The following VPS13B variants were observed in gnomAD, a reference collection of about 807,000 sequenced individuals.
VPS13B encodes vacuolar protein sorting 13 homolog B, also known as intermembrane lipid transfer protein VPS13B.
VPS13B carries 285 observed loss-of-function variants against 426.4 expected under a neutral mutation model. The ratio of observed to expected loss-of-function variants is 0.67; its 90% CI spans 0.61 to 0.74. The LOEUF is 0.74. Among genes scored for constraint, VPS13B ranks in the 30% least tolerant of loss-of-function variants. VPS13B has a pLI of 0.00. For synonymous variants in VPS13B, 1,676 were observed against 1,676.4 expected (o/e 1.00, Z 0.01); for missense variants, 4,537 against 4,782.6 (o/e 0.95, Z 1.51).
At chr8:99,785,893 G>A (rs1473782605) in intron 43 of VPS13B, among the ~76,000 whole-genome samples, 2 of 152,150 alleles carry the variant, frequency 1.3e-5, no homozygotes, top group South Asian at 2.1e-4. Flanking sequence ...AAGCCTCTGA[G>A]AAGCTGCAGT....
intron 17 of VPS13B, among the ~76,000 whole-genome samples, chr8:99,265,436 T>C (rs1818246324): frequency 6.6e-6 from 1 of 152,192 alleles, no homozygotes; most frequent in Non-Finnish European, 1.5e-5. Flanking sequence ...GCCTGGTACT[T>C]AGTAAAGGAA....
chr8:99,024,116 C>A (rs531801219), intron 2 of VPS13B, among the ~76,000 whole-genome samples: 1 of 151,936 alleles, frequency 6.6e-6, no homozygotes, highest in Non-Finnish European at 1.5e-5. Context: ...TGATATGATA[C>A]CTTATTGTGG....
chr8:99,586,252 C>T (rs903528074), intron 33 of VPS13B, among the ~76,000 whole-genome samples: 1 of 152,154 alleles, frequency 6.6e-6, no homozygotes, highest in Admixed American at 6.6e-5. Flanking sequence ...TTCCTGATAA[C>T]TTCTTCTCTT....
rs34752686 is a variant in VPS13B, at chr8:99,474,183, A to ATTTTTTTTTTTTTTTTTT, written c.3666+6552_3666+6569dup. On this transcript the variant is annotated intron_variant, in intron 24 of 61. Coordinates refer to ENST00000357162, the MANE Select transcript of VPS13B (RefSeq NM_152564.5). ...TCTTCAAACAATGGACTGTTATCCA[A>ATTTTTTTTTTTTTTTTTT]TTTTTTTTTTTTTTTTTTTTGTGGA... 3.6e-3 allele frequency among the ~76,000 whole-genome samples: 448 copies of ATTTTTTTTTTTTTTTTTT among 124,910 alleles called. 27 individuals carry two copies. The highest frequency in any genetic ancestry group is 0.01 in the African/African-American group (319 of 30,718). The allele number at this position is 124,910 out of a possible 152,430, so 81.9% of individuals were successfully genotyped here.
chr8:99,270,128 A>ATTTTTTTTTTTTTTT, intron 17 of VPS13B, among the ~76,000 whole-genome samples: 1 of 22,024 alleles, frequency 4.5e-5, no homozygotes, highest in Non-Finnish European at 1.2e-4. Context: ...AAGATATAAG[A>ATTTTTTTTTTTTTTT]ATCTTTTTTT....
intron 44 of VPS13B, among the ~76,000 whole-genome samples, chr8:99,813,406 C>T (rs1813835706): frequency 6.6e-6 from 1 of 152,166 alleles, no homozygotes; most frequent in African/African-American, 2.4e-5. Context: ...GAAGCAAGAG[C>T]CATGTGCATA....
intron 17 of VPS13B, among the ~76,000 whole-genome samples, chr8:99,262,634 A>G (rs1198204175): frequency 1.3e-5 from 2 of 152,138 alleles, no homozygotes; most frequent in Admixed American, 6.5e-5. Flanking sequence ...GCTCTTGACT[A>G]TCTCTTTAAT....
intron 21 of VPS13B, among the ~76,000 whole-genome samples, chr8:99,418,272 C>T (rs931219666): frequency 1.3e-5 from 2 of 151,830 alleles, no homozygotes; most frequent in Non-Finnish European, 2.9e-5. Context: ...CCATCCCTCC[C>T]TCCTTTCTTC....
chr8:99,096,922 C>T (rs1846457337), intron 4 of VPS13B, among the ~76,000 whole-genome samples: 1 of 152,094 alleles, frequency 6.6e-6, no homozygotes, highest in Non-Finnish European at 1.5e-5. Flanking sequence ...GCCCAAGGTA[C>T]TTTTATCTTG....
chr8:99,149,790 G>C (rs967296459), intron 14 of VPS13B, among the ~76,000 whole-genome samples: 5 of 152,132 alleles, frequency 3.3e-5, no homozygotes, highest in African/African-American at 1.2e-4. Flanking sequence ...TCCGCCTCCT[G>C]TGAGATCAGC....
intron 3 of VPS13B, among the ~76,000 whole-genome samples, chr8:99,061,277 A>T: frequency 7.2e-6 from 1 of 139,204 alleles, no homozygotes; most frequent in Admixed American, 7.0e-5. Context: ...TGTTTTGATG[A>T]TTAGATGCTG....
At chr8:99,749,830 G>A (rs374754106) in intron 39 of VPS13B, among the ~76,000 whole-genome samples, 13 of 152,044 alleles carry the variant, frequency 8.6e-5, no homozygotes, top group East Asian at 3.9e-4. Flanking sequence ...GTTCTCCATA[G>A]TAGTTGTACT....
At chr8:99,107,154 G>C (rs934675569) in intron 5 of VPS13B, among the ~76,000 whole-genome samples, 1 of 152,040 alleles carries the variant, frequency 6.6e-6, no homozygotes, top group African/African-American at 2.4e-5. Flanking sequence ...TAATGCACGA[G>C]GCTGTATTAA....
chr8:99,690,761 C>T (rs187711094), intron 35 of VPS13B, among the ~76,000 whole-genome samples: 2 of 152,210 alleles, frequency 1.3e-5, no homozygotes, highest in East Asian at 3.9e-4. Flanking sequence ...TGAAAAAATG[C>T]TGAACATCAT....
chr8:99,515,400 T>TTCCTCCTCCTCCTCC (rs751830064), intron 29 of VPS13B, among the ~76,000 whole-genome samples: 2 of 150,726 alleles, frequency 1.3e-5, no homozygotes, highest in African/African-American at 4.9e-5. Flanking sequence ...CTGCTTCTGC[T>TTCCTCCTCCTCCTCC]TCCTCCTCCT....
At chr8:99,758,019 C>G (rs1810731238) in intron 39 of VPS13B, among the ~76,000 whole-genome samples, 1 of 152,126 alleles carries the variant, frequency 6.6e-6, no homozygotes, top group Admixed American at 6.5e-5. Flanking sequence ...TTTTTGGCAC[C>G]AAACTCTTGG....
At chr8:99,862,015 G>C (rs1159316548) in intron 58 of VPS13B, 69 bp downstream of exon 58, 2 of 1,492,508 alleles carry the variant, frequency 1.3e-6, no homozygotes, top group Non-Finnish European at 1.8e-6. Flanking sequence ...TCCCAGGACT[G>C]GGCAACTTCG....
rs987017060 is a variant in VPS13B, at chr8:99,861,860, G to A, written c.11129G>A (p.Arg3710Gln). 3.0e-5 allele frequency: 48 copies of A among 1,601,656 alleles called. No homozygotes were observed. Among genetic ancestry groups the A allele is most frequent in the Admixed American group, 5.2e-5 (3 of 58,072 alleles). The change falls in exon 58 of 62, where the codon CGG becomes CAG. Residue 3710 changes from arginine to glutamine, a missense_variant. Around this residue, in one of 2 missense-constraint regions of VPS13B, gnomAD observed 4,311 missense variants for 4,474.3 expected, o/e 0.96. Transcript: ENST00000357162. The stretch of plus-strand genomic sequence containing the variant: ...TCACTGGATGAGGAGCACTACAACC[G>A]GCAGGAGGAGTGGCGGCGGCAGCTC... ...RLSLDEEHYN[R>Q]QEEWRRQLPE...
chr8:99,399,199 G>A (rs560000025), intron 21 of VPS13B, among the ~76,000 whole-genome samples: 2 of 152,136 alleles, frequency 1.3e-5, no homozygotes, highest in Non-Finnish European at 2.9e-5. Flanking sequence ...AGTCGTCAGA[G>A]AATTTAATGA....
Sources: gnomAD v4.1 joint callset for allele counts (sites outside exome capture counted in the v4.1 genomes callset) on GRCh38, gnomAD v4.1.1 for gene constraint, gnomAD v4.1.1 regional missense constraint, MANE v1.5 for transcripts, NCBI Gene and HGNC (gene_info 2026-07-23, HGNC 2026-07-21) for gene names.